The following PDE4C variants were observed in gnomAD, a reference collection of about 807,000 sequenced individuals.
PDE4C encodes 3',5'-cyclic-AMP phosphodiesterase 4C.
A neutral mutation model predicts 63.9 loss-of-function variants in PDE4C; 50 were observed. That is an observed-to-expected ratio of 0.78 (90% confidence interval 0.62 to 0.99). The LOEUF (loss-of-function observed/expected upper bound fraction) is 0.99. Ranked by LOEUF, PDE4C falls within the 50% of genes least tolerant of loss-of-function variation. The probability of loss-of-function intolerance (pLI) is 0.00; values close to 1 mark genes in which losing one functional copy is unlikely to be tolerated. For synonymous variants in PDE4C, 377 were observed against 385.1 expected (o/e 0.98, Z 0.25); for missense variants, 777 against 899.1 (o/e 0.86, Z 1.74).
rs751886817 is a variant in PDE4C at position 18,216,937 on chromosome 19, C to T, written c.1235-42G>A. On this transcript the variant is annotated intron_variant, in intron 11 of 14. Transcript: ENST00000262805. ...CTGAGAGCCCCAAGATCCACCCGCC[C>T]CACCCACTCTACCCAAAAGCAGCTT... is the stretch of plus-strand genomic sequence containing the variant. 4 of 1,555,286 alleles carry T rather than the reference C, an allele frequency of 2.6e-6. No individual in the cohort carries two copies. The African/African-American group carries it at 4.1e-5, about 16-fold the overall frequency.
chr19:18,250,006 TCCATAACTCGTGTTTTCACACGAGG>T (rs1239685168), upstream of PDE4C: 2 of 397,734 alleles, frequency 5.0e-6, no homozygotes, highest in African/African-American at 2.1e-5. Flanking sequence ...TTCACACGAG[TCCATAACTCGTGTTTTCACACGAGG>T]CCTTGGATGA....
At chr19:18,232,093 T>A (rs1968859631) in intron 1 of PDE4C, among the ~76,000 whole-genome samples, 1 of 152,128 alleles carries the variant, frequency 6.6e-6, no homozygotes, top group Non-Finnish European at 1.5e-5. Flanking sequence ...GGCCAGGTGC[T>A]GTGGCTCACA....
upstream of PDE4C, chr19:18,233,696 C>A (rs111956588): frequency 5.7e-6 from 2 of 353,322 alleles, no homozygotes; most frequent in Non-Finnish European, 1.1e-5. Flanking sequence ...GATGAGACAG[C>A]GAAGAGCTGT....
chr19:18,222,104 G>A (rs368051536), intron 2 of PDE4C, 28 bp downstream of exon 2: 126 of 1,572,952 alleles, frequency 8.0e-5, no homozygotes, highest in Admixed American at 1.0e-4. Flanking sequence ...GGGTAGAGGC[G>A]GTGTCATCCC....
At chr19:18,230,089 C>T (rs2148050067), upstream of PDE4C, among the ~76,000 whole-genome samples, 1 of 152,240 alleles carries the variant, frequency 6.6e-6, no homozygotes, top group East Asian at 1.9e-4. Context: ...CACCCTCCAG[C>T]CATGGATACA....
At chr19:18,234,432 G>A (rs539453172), upstream of PDE4C, among the ~76,000 whole-genome samples, 18 of 152,206 alleles carry the variant, frequency 1.2e-4, 1 homozygote, top group East Asian at 1.9e-4. Flanking sequence ...CCCACCAGGC[G>A]TCTTAGTCTC....
chr19:18,250,800 G>C (rs911911931), upstream of PDE4C, among the ~76,000 whole-genome samples: 1 of 150,448 alleles, frequency 6.6e-6, no homozygotes, highest in African/African-American at 2.5e-5. Flanking sequence ...TTGAGACAGG[G>C]TCTTGCTCTG....
At chr19:18,242,376 T>C (rs933950380) in intron 1 of PDE4C, among the ~76,000 whole-genome samples, 1 of 146,252 alleles carries the variant, frequency 6.8e-6, no homozygotes, top group African/African-American at 2.6e-5. Context: ...CTCGGTAGGC[T>C]GAGGGAAGAT....
upstream of PDE4C, among the ~76,000 whole-genome samples, chr19:18,229,965 C>T (rs1041021581): frequency 6.6e-6 from 1 of 152,142 alleles, no homozygotes; most frequent in African/African-American, 2.4e-5. Context: ...TTATTTCCAC[C>T]CCATGGCCCT....
At chr19:18,239,973 A>AAGATCTGGGCAAC (rs971332190) in intron 1 of PDE4C, among the ~76,000 whole-genome samples, 1 of 151,684 alleles carries the variant, frequency 6.6e-6, no homozygotes, top group South Asian at 2.1e-4. Flanking sequence ...TTGCAGTGGA[A>AAGATCTGGGCAAC]AGATCTGGGC....
chr19:18,247,199 T>C (rs1969148125), intron 1 of PDE4C, among the ~76,000 whole-genome samples: 1 of 152,212 alleles, frequency 6.6e-6, no homozygotes, highest in Non-Finnish European at 1.5e-5. Context: ...GCCACAGCCC[T>C]GGGCTGGACA....
intron 1 of PDE4C, among the ~76,000 whole-genome samples, chr19:18,247,166 A>C (rs557641575): frequency 1.1e-4 from 17 of 152,298 alleles, no homozygotes; most frequent in Admixed American, 6.5e-4. Flanking sequence ...GGCACAAGGG[A>C]TCTCCTGCTC....
At chr19:18,233,676 T>G, upstream of PDE4C, 3 of 340,636 alleles carry the variant, frequency 8.8e-6, no homozygotes, top group South Asian at 2.2e-5. Flanking sequence ...AGCTTTGGGT[T>G]CTCCGGGTGG....
chr19:18,222,689 CCCTTT>C (rs1170891138), intron 1 of PDE4C, among the ~76,000 whole-genome samples: 1 of 89,454 alleles, frequency 1.1e-5, no homozygotes, highest in Admixed American at 1.3e-4. Flanking sequence ...CTCTCTCTCG[CCCTTT>C]CTTTTCTTTT....
intron 1 of PDE4C, among the ~76,000 whole-genome samples, chr19:18,246,738 G>A (rs4570996): frequency 0.28 from 43,273 of 151,850 alleles, 6,349 homozygotes; most frequent in African/African-American, 0.31. Flanking sequence ...GACCAGCCTG[G>A]CCAACATGGA....
At chr19:18,226,146 A>G in intron 1 of PDE4C, 124 bp downstream of exon 1, 1 of 711,740 alleles carries the variant, frequency 1.4e-6, no homozygotes, top group Non-Finnish European at 2.4e-6. Flanking sequence ...AGGGAGAGGC[A>G]GAGCGTCCAA....
chr19:18,228,204 C>T (rs760462274), upstream of PDE4C, among the ~76,000 whole-genome samples: 10 of 151,980 alleles, frequency 6.6e-5, no homozygotes, highest in Admixed American at 3.3e-4. Context: ...AGAGAAGTGA[C>T]AATAGTTACA....
chr19:18,217,081 GT>G (rs1968232269), intron 11 of PDE4C, 186 bp from the exon 12 acceptor site: 1 of 567,834 alleles, frequency 1.8e-6, no homozygotes, highest in Non-Finnish European at 2.9e-6. Flanking sequence ...GGTTGTCTGT[GT>G]TTGGCTCTGC....
At chr19:18,234,953 T>TGAGG (rs1296724743), upstream of PDE4C, among the ~76,000 whole-genome samples, 1 of 152,160 alleles carries the variant, frequency 6.6e-6, no homozygotes, top group Admixed American at 6.5e-5. Context: ...GGCTCAATGG[T>TGAGG]GAGGGACATG....
Sources: allele counts gnomAD v4.1 joint callset (sites outside exome capture counted in the v4.1 genomes callset), GRCh38; gene constraint gnomAD v4.1.1; transcripts MANE v1.5; gene names NCBI Gene and HGNC (gene_info 2026-07-23, HGNC 2026-07-21).